Variants in ZDHHC14 observed in about 807,000 individuals in gnomAD.
ZDHHC14 encodes palmitoyltransferase ZDHHC14.
ZDHHC14 carries 16 observed loss-of-function variants against 47.7 expected under a neutral mutation model. The ratio of observed to expected loss-of-function variants is 0.34; its 90% confidence interval spans 0.23 to 0.51. ZDHHC14 has a LOEUF of 0.51. Among genes scored for constraint, ZDHHC14 ranks in the 20% least tolerant of loss-of-function variants. ZDHHC14 has a pLI of 0.97. For synonymous variants in ZDHHC14, 293 were observed against 278.9 expected (o/e 1.05, Z -0.50); for missense variants, 515 against 662.5 (o/e 0.78, Z 2.44).
At chr6:157,632,670 T>A (rs1785795950) in intron 4 of ZDHHC14, 164 bp from the exon 5 acceptor site, 2 of 706,086 alleles carry the variant, frequency 2.8e-6, no homozygotes, top group South Asian at 3.5e-5. Flanking sequence ...TGAAAAACTT[T>A]AGTGGCATCT....
intron 2 of ZDHHC14, among the ~76,000 whole-genome samples, chr6:157,550,464 G>A (rs1419221840): frequency 2.1e-5 from 3 of 143,128 alleles, no homozygotes; most frequent in African/African-American, 6.1e-5. Context: ...GCATCACACA[G>A]GCACTCTAGA....
intron 8 of ZDHHC14, among the ~76,000 whole-genome samples, chr6:157,671,720 C>T (rs1347471574): frequency 6.6e-6 from 1 of 152,182 alleles, no homozygotes; most frequent in Non-Finnish European, 1.5e-5. Flanking sequence ...GAATAGGAAA[C>T]GTCTTCTCAA....
At chr6:157,493,596 A>G (rs539837390) in intron 1 of ZDHHC14, among the ~76,000 whole-genome samples, 26 of 152,262 alleles carry the variant, frequency 1.7e-4, no homozygotes, top group Admixed American at 3.9e-4. Flanking sequence ...GGTGACCCAG[A>G]AAAGCATGAG....
chr6:157,416,989 T>TTG (rs1343418924), intron 1 of ZDHHC14, among the ~76,000 whole-genome samples: 2 of 136,114 alleles, frequency 1.5e-5, no homozygotes, highest in East Asian at 2.1e-4. Context: ...TTTTTTTTTT[T>TTG]TTTTTTTTTT....
intron 1 of ZDHHC14, among the ~76,000 whole-genome samples, chr6:157,430,770 G>C (rs1443234006): frequency 6.6e-6 from 1 of 152,210 alleles, no homozygotes; most frequent in Admixed American, 6.5e-5. Flanking sequence ...CCACTATTCT[G>C]CCTACTGCAT....
chr6:157,501,116 TC>T, intron 1 of ZDHHC14, among the ~76,000 whole-genome samples: 1 of 152,374 alleles, frequency 6.6e-6, no homozygotes, highest in East Asian at 1.9e-4. Flanking sequence ...ATTTTTCTCT[TC>T]CCATTTCTGG....
At chr6:157,575,343 G>A (rs1050841261) in intron 2 of ZDHHC14, among the ~76,000 whole-genome samples, 1 of 152,016 alleles carries the variant, frequency 6.6e-6, no homozygotes, top group Non-Finnish European at 1.5e-5. Flanking sequence ...CTGGCACATG[G>A]CTGAGCCAAG....
At chr6:157,544,135 T>C (rs1293282951) in intron 2 of ZDHHC14, among the ~76,000 whole-genome samples, 1 of 152,172 alleles carries the variant, frequency 6.6e-6, no homozygotes, top group East Asian at 1.9e-4. Context: ...CCTCATATCA[T>C]TGAGGAGAGA....
At chr6:157,656,122 A>C (rs1474785951) in intron 8 of ZDHHC14, among the ~76,000 whole-genome samples, 1 of 152,158 alleles carries the variant, frequency 6.6e-6, no homozygotes, top group Non-Finnish European at 1.5e-5. Flanking sequence ...CATTCATTCT[A>C]CACCTGCACC....
intron 3 of ZDHHC14, among the ~76,000 whole-genome samples, chr6:157,624,577 G>T (rs1785327492): frequency 6.6e-6 from 1 of 152,200 alleles, no homozygotes; most frequent in Non-Finnish European, 1.5e-5. Flanking sequence ...ATACAGTGCT[G>T]GGTACATGGA....
intron 8 of ZDHHC14, among the ~76,000 whole-genome samples, chr6:157,666,584 C>A (rs1313715959): frequency 6.6e-6 from 1 of 152,146 alleles, no homozygotes; most frequent in African/African-American, 2.4e-5. Context: ...CACAGCCAAG[C>A]AGAAATACAT....
chr6:157,395,184 A>G (rs959222050), intron 1 of ZDHHC14, among the ~76,000 whole-genome samples: 4 of 151,342 alleles, frequency 2.6e-5, no homozygotes, highest in Non-Finnish European at 2.9e-5. Flanking sequence ...TTTTTAAGAT[A>G]AGGTCTTGCT....
At chr6:157,421,120 GTTA>G (rs1474521913) in intron 1 of ZDHHC14, among the ~76,000 whole-genome samples, 1 of 152,070 alleles carries the variant, frequency 6.6e-6, no homozygotes, top group African/African-American at 2.4e-5. Flanking sequence ...AAAGATGGGT[GTTA>G]TTATGACCGC....
intron 1 of ZDHHC14, among the ~76,000 whole-genome samples, chr6:157,522,640 TTAA>T (rs1449463341): frequency 6.6e-6 from 1 of 151,838 alleles, no homozygotes; most frequent in Admixed American, 6.6e-5. Flanking sequence ...TTTTATGATA[TTAA>T]TAATATAAGA....
chr6:157,494,064 C>CCTGGCTTGGCT (rs1038829586), intron 1 of ZDHHC14, among the ~76,000 whole-genome samples: 11 of 152,204 alleles, frequency 7.2e-5, no homozygotes. Context: ...CCTGCAGGGC[C>CCTGGCTTGGCT]CTGGCTTGGC....
chr6:157,445,790 A>G (rs969053980), intron 1 of ZDHHC14, among the ~76,000 whole-genome samples: 2 of 152,118 alleles, frequency 1.3e-5, no homozygotes, highest in Admixed American at 1.3e-4. Context: ...AGAGAGAGAG[A>G]AAGAGAGAGA....
At chr6:157,607,079 C>T (rs536038956) in intron 3 of ZDHHC14, among the ~76,000 whole-genome samples, 9 of 152,198 alleles carry the variant, frequency 5.9e-5, no homozygotes, top group East Asian at 3.9e-4. Context: ...ATCACGATGT[C>T]GAAATTATGT....
At chr6:157,386,140 T>G (rs1777306320) in intron 1 of ZDHHC14, among the ~76,000 whole-genome samples, 1 of 152,108 alleles carries the variant, frequency 6.6e-6, no homozygotes, top group Non-Finnish European at 1.5e-5. Flanking sequence ...GAGAGCATTT[T>G]GAGGAAGGGA....
intron 1 of ZDHHC14, among the ~76,000 whole-genome samples, chr6:157,488,428 G>A (rs748001962): frequency 1.4e-4 from 21 of 152,136 alleles, no homozygotes; most frequent in African/African-American, 3.4e-4. Context: ...CTCAATTTGC[G>A]TTGCTTCTAG....
Sources: allele counts gnomAD v4.1 joint callset (sites outside exome capture counted in the v4.1 genomes callset), GRCh38; gene constraint gnomAD v4.1.1; transcripts MANE v1.5; gene names NCBI Gene and HGNC (gene_info 2026-07-23, HGNC 2026-07-21).